Variants in WNK2 observed in about 807,000 individuals in gnomAD.
WNK2 encodes WNK lysine deficient protein kinase 2, also known as serine/threonine-protein kinase WNK2.
Under a neutral mutation model 192.1 loss-of-function variants are expected in WNK2, and 67 were observed. That is an observed-to-expected ratio of 0.35 (90% CI 0.29 to 0.43). WNK2 has a LOEUF of 0.43. WNK2 is among the 20% of genes least tolerant of loss of function. The pLI, the probability that WNK2 is intolerant of heterozygous loss-of-function variation, is 1.00. For synonymous variants in WNK2, 1,439 were observed against 1,393.9 expected (o/e 1.03, Z -0.72); for missense variants, 2,698 against 3,089.7 (o/e 0.87, Z 3.01).
intron 7 of WNK2, among the ~76,000 whole-genome samples, chr9:93,241,137 C>T (rs1290884120): frequency 6.6e-6 from 1 of 152,252 alleles, no homozygotes; most frequent in East Asian, 1.9e-4. Flanking sequence ...CCTGAGAACC[C>T]TAGTGCAGGG....
At position 93,253,083 on chromosome 9, in the gene WNK2, G is replaced by A. The variant is rs750873873; in HGVS notation, c.2034+1G>A. 1 of 1,444,598 alleles carries A rather than the reference G, an allele frequency of 6.9e-7. No individual in the cohort carries two copies. Among genetic ancestry groups the A allele is most frequent in the Non-Finnish European group, 9.1e-7 (1 of 1,098,834 alleles). The allele number at this position is 1,444,598 out of a possible 1,614,324, so 89.5% of individuals were successfully genotyped here. On this transcript the variant is annotated splice_donor_variant, in intron 9 of 29. Transcript: ENST00000427277. LOFTEE classifies it high-confidence loss of function. ...GGCCTACCAGCAGCCCACGGCTGCA[G>A]TGAGTCAGAGCATCACTCCCACCCC...
In WNK2 at chr9:93,289,003, G is replaced by T. The variant is rs369404489; in HGVS notation, c.4249G>T (p.Ala1417Ser). Residue 1417 changes from alanine (A) to serine (S), a missense_variant, in exon 20 of 30, where the codon GCA becomes TCA. Ala to Ser is a moderately conservative substitution (Grantham distance 99). Around this residue, in one of 7 missense-constraint regions of WNK2, gnomAD observed 1,098 missense variants for 1,101.0 expected, o/e 1.00. Coordinates refer to ENST00000427277, the MANE Select transcript of WNK2 (RefSeq NM_006648.4). ...GCCAGCGTCAGGAACTGCCAGCCAG[G>T]CAGGGGGTCCAGGGACACCTCAGGG... ...PEPASGTASQ[A>S]GGPGTPQGLT... The T allele has an allele frequency of 1.2e-6, 2 of 1,602,010 alleles. No homozygotes were observed. Among genetic ancestry groups the T allele is most frequent in the Non-Finnish European group, 1.7e-6 (2 of 1,174,312 alleles).
chr9:93,286,468 T>A (rs971819045), intron 19 of WNK2, among the ~76,000 whole-genome samples: 1 of 152,196 alleles, frequency 6.6e-6, no homozygotes, highest in African/African-American at 2.4e-5. Flanking sequence ...CACTGAGCTA[T>A]CACCTCACAC....
chr9:93,209,286 A>C (rs373836537), intron 2 of WNK2, among the ~76,000 whole-genome samples: 2 of 152,098 alleles, frequency 1.3e-5, no homozygotes, highest in Non-Finnish European at 2.9e-5. Flanking sequence ...CTCAAGGCAC[A>C]CTGGCGCAAG....
At chr9:93,189,400 C>T (rs763879272) in intron 2 of WNK2, among the ~76,000 whole-genome samples, 7 of 152,194 alleles carry the variant, frequency 4.6e-5, no homozygotes, top group Admixed American at 6.5e-5. Flanking sequence ...CCTGGGAGAG[C>T]GGTGGAGTCC....
chr9:93,292,412 C>T lies in WNK2; in HGVS notation c.5025+16C>T, dbSNP rs756345500. ...CGTCCCCCAGGTAAGGGCGACTTGA[C>T]GACCCCCTGGCTGGTTGGCAGGGTT... On this transcript the variant is annotated intron_variant, in intron 22 of 29. Transcript: ENST00000427277. 13 of 1,613,704 alleles carry T rather than the reference C, an allele frequency of 8.1e-6. No homozygotes were observed. Among genetic ancestry groups the T allele is most frequent in the East Asian group, 4.5e-5 (2 of 44,884 alleles).
intron 9 of WNK2, among the ~76,000 whole-genome samples, chr9:93,254,001 C>G (rs1320897081): frequency 2.0e-5 from 3 of 152,128 alleles, no homozygotes; most frequent in South Asian, 2.1e-4. Context: ...ACTGTAACCT[C>G]TGCCTCCTGG....
chr9:93,241,895 G>A (rs1273782875), intron 7 of WNK2, among the ~76,000 whole-genome samples: 1 of 152,346 alleles, frequency 6.6e-6, no homozygotes, highest in African/African-American at 2.4e-5. Flanking sequence ...GGAAGCAGGT[G>A]GAACTGGACT....
chr9:93,205,265 G>A (rs576579172), intron 2 of WNK2, among the ~76,000 whole-genome samples: 7 of 152,312 alleles, frequency 4.6e-5, no homozygotes, highest in African/African-American at 1.7e-4. Context: ...TGAGTTCAGG[G>A]CATCTGTCAG....
In WNK2 at chr9:93,257,232, TGCATGTG is replaced by T; in HGVS notation, c.2382+94_2382+100del. 2.9e-6 allele frequency: 4 copies of T among 1,387,320 alleles called. No homozygotes were observed. The highest frequency in any genetic ancestry group is 3.9e-6 in the Non-Finnish European group (4 of 1,026,972). 85.9% of individuals were successfully genotyped at this position (1,387,320 alleles called of 1,614,324 possible). A position where few individuals can be genotyped will look rare whatever the true frequency, so the allele number is the denominator to read the frequency against. ...GGACACCCACAGAGGGGGTTGTCTG[TGCATGTG>T]ACCTGTGACCTGGGGTTGGGCTGGC... is the stretch of plus-strand genomic sequence containing the variant. On this transcript the variant is annotated intron_variant, in intron 11 of 29. Transcript: ENST00000427277. This position sits in a 1 kb window ranked among gnomAD's most constrained non-coding sequence, Gnocchi z 4.7.
intron 2 of WNK2, among the ~76,000 whole-genome samples, chr9:93,223,459 A>G (rs896401231): frequency 1.3e-5 from 2 of 152,186 alleles, no homozygotes; most frequent in African/African-American, 4.8e-5. Flanking sequence ...CCTGACTGGT[A>G]ATTTTTGGCA....
intron 2 of WNK2, among the ~76,000 whole-genome samples, chr9:93,189,549 T>C (rs1829948013): frequency 6.6e-6 from 1 of 152,204 alleles, no homozygotes. Context: ...CTCAGTGTCC[T>C]GTCCATCTTC....
intron 29 of WNK2, among the ~76,000 whole-genome samples, chr9:93,319,641 CCT>C (rs1452313694): frequency 1.3e-5 from 2 of 152,228 alleles, no homozygotes; most frequent in Non-Finnish European, 2.9e-5. Flanking sequence ...CTGGGGCCAC[CCT>C]CTTTGCTCCA....
chr9:93,308,160 C>T (rs1462983459), intron 27 of WNK2, 168 bp from the exon 28 acceptor site: 41 of 1,360,758 alleles, frequency 3.0e-5, no homozygotes. Flanking sequence ...CCATGTCTGA[C>T]CCTGGGCAGC....
chr9:93,299,314 G>A (rs1851179814), intron 25 of WNK2, 53 bp downstream of exon 25: 20 of 1,527,074 alleles, frequency 1.3e-5, no homozygotes, highest in Non-Finnish European at 1.7e-5. Context: ...TAGGGCCTCA[G>A]TGGTGTCCCC....
chr9:93,293,278 C>T (rs1849673271), intron 23 of WNK2, 105 bp downstream of exon 23: 8 of 1,140,430 alleles, frequency 7.0e-6, no homozygotes, highest in Non-Finnish European at 8.1e-6. Context: ...GGCCAAGCAG[C>T]GCCCACTTGG....
intron 2 of WNK2, among the ~76,000 whole-genome samples, chr9:93,215,339 A>G (rs1490978715): frequency 2.0e-5 from 3 of 151,972 alleles, no homozygotes; most frequent in Non-Finnish European, 4.4e-5. Context: ...CGAACTCCTG[A>G]CCTCAGGTGA....
chr9:93,237,448 C>T lies in WNK2; in HGVS notation c.1234-785C>T, dbSNP rs188239512. 1.2e-3 allele frequency among the ~76,000 whole-genome samples: 180 copies of T among 152,226 alleles called. 3 individuals carry two copies. The highest frequency in any genetic ancestry group is 3.4e-3 in the Middle Eastern group (1 of 292). On this transcript the variant is annotated intron_variant, in intron 5 of 29. Transcript: ENST00000427277. ...TGTGTAATCTGCTGTCAGTCTGCTG[C>T]GGTGAAGTGTTCGATTCAGATGGGC...
chr9:93,267,568 C>T (rs1398006147), intron 16 of WNK2, among the ~76,000 whole-genome samples, 178 bp from the exon 17 acceptor site: 1 of 152,200 alleles, frequency 6.6e-6, no homozygotes, highest in Non-Finnish European at 1.5e-5. Context: ...GCTCTCCTCC[C>T]ATCCTGGGGC....
Sources: gnomAD v4.1 joint callset for allele counts (sites outside exome capture counted in the v4.1 genomes callset) on GRCh38, gnomAD v4.1.1 for gene constraint, gnomAD v4.1.1 regional missense constraint, Gnocchi (gnomAD v3.1) non-coding constraint, MANE v1.5 for transcripts, NCBI Gene and HGNC (gene_info 2026-07-23, HGNC 2026-07-21) for gene names.